The following PDXDC1 variants were observed in gnomAD, a reference collection of about 807,000 sequenced individuals.
PDXDC1 encodes pyridoxal dependent decarboxylase domain containing 1.
In PDXDC1, 42 loss-of-function variants were observed where a neutral mutation model predicts 100.1. The observed-to-expected ratio is 0.42, with a 90% CI of 0.33 to 0.54. PDXDC1 has a LOEUF of 0.54. Ranked by LOEUF, PDXDC1 falls within the 20% of genes least tolerant of loss-of-function variation. PDXDC1 has a pLI of 0.10. For missense variants in PDXDC1, 636 were observed against 979.2 expected (o/e 0.65, Z 4.68); for synonymous variants, 260 against 371.7 (o/e 0.70, Z 3.46).
chr16:15,091,203 G>T, intron 16 of PDXDC1: 3 of 1,300,868 alleles, frequency 2.3e-6, no homozygotes, highest in Non-Finnish European at 3.2e-6. Context: ...TTAAAATAAG[G>T]GAGGACCATG....
At chr16:15,133,441 T>G in intron 16 of PDXDC1, 1 of 976,696 alleles carries the variant, frequency 1.0e-6, no homozygotes, top group South Asian at 1.4e-5. Context: ...CAGAGGGGGG[T>G]GGTGAGCAGG....
chr16:15,079,764 T>G (rs2045618132), intron 16 of PDXDC1, among the ~76,000 whole-genome samples: 1 of 152,130 alleles, frequency 6.6e-6, no homozygotes, highest in Admixed American at 6.6e-5. Flanking sequence ...GGCTAATTTT[T>G]TATTTGTATT....
intron 16 of PDXDC1, chr16:15,044,556 C>T (rs3803573): frequency 0.32 from 205,610 of 641,906 alleles, 34,652 homozygotes; most frequent in Admixed American, 0.49. Context: ...AAGAAAGTAT[C>T]GGCAGCACAC....
chr16:15,038,537 C>T (rs775185103), downstream of PDXDC1: 29 of 1,136,532 alleles, frequency 2.6e-5, no homozygotes, highest in Non-Finnish European at 1.8e-5. Flanking sequence ...AACCAGGGTG[C>T]AGAGATTTAA....
chr16:15,011,236 G>A (rs1326093968), intron 8 of PDXDC1, among the ~76,000 whole-genome samples: 4 of 152,296 alleles, frequency 2.6e-5, no homozygotes, highest in African/African-American at 9.6e-5. Context: ...AGAGAATTCA[G>A]AAATAGACTC....
intron 16 of PDXDC1, among the ~76,000 whole-genome samples, chr16:15,129,340 G>A (rs1041529318): frequency 9.2e-5 from 14 of 151,574 alleles, no homozygotes; most frequent in Non-Finnish European, 1.8e-4. Context: ...CAGGAGAATC[G>A]CTTAAGGGGA....
chr16:15,126,009 G>C (rs1040351839), intron 16 of PDXDC1: 18 of 597,292 alleles, frequency 3.0e-5, no homozygotes, highest in African/African-American at 1.7e-4. Flanking sequence ...CAGCAGACTG[G>C]TGCAGCTAAG....
intron 1 of PDXDC1, among the ~76,000 whole-genome samples, chr16:14,980,482 TTTTTTTA>T (rs1222479783): frequency 2.3e-4 from 35 of 152,246 alleles, no homozygotes; most frequent in African/African-American, 8.4e-4. Flanking sequence ...TAATTTTTGT[TTTTTTTA>T]TTTTTTATTT....
intron 16 of PDXDC1, among the ~76,000 whole-genome samples, chr16:15,099,705 T>A (rs1422534040): frequency 6.6e-6 from 1 of 152,140 alleles, no homozygotes; most frequent in Non-Finnish European, 1.5e-5. Flanking sequence ...ATCTGCAAAG[T>A]CACCACCCTG....
chr16:15,081,150 G>A (rs1042985878), intron 16 of PDXDC1, among the ~76,000 whole-genome samples: 1 of 152,146 alleles, frequency 6.6e-6, no homozygotes, highest in Non-Finnish European at 1.5e-5. Context: ...TCTACTTGAG[G>A]CTATTATGGA....
rs1488014535 is a variant in PDXDC1, at chr16:14,990,099, C to T, written c.22-7654C>T. On this transcript the variant is annotated intron_variant, in intron 1 of 22. Coordinates refer to ENST00000396410, the MANE Select transcript of PDXDC1 (RefSeq NM_015027.4). ...TAGGAGGCCAAGCAGGCAGAGGAGGCGGCGGGCCCAGCTGCTCGACAGCAG... is the reference window on the plus strand; with the variant it reads ...TAGGAGGCCAAGCAGGCAGAGGAGGTGGCGGGCCCAGCTGCTCGACAGCAG... 4.7e-6 allele frequency: 7 copies of T among 1,484,414 alleles called. No individual in the cohort carries two copies. The African/African-American group carries it at 8.8e-5, about 19-fold the overall frequency. 92.0% of individuals were successfully genotyped at this position (1,484,414 alleles called of 1,614,324 possible).
At chr16:15,047,812 G>T in intron 16 of PDXDC1, 1 of 1,467,502 alleles carries the variant, frequency 6.8e-7, no homozygotes, top group Non-Finnish European at 9.6e-7. Context: ...CCCAAAGGTT[G>T]GGTCAGTTTA....
At chr16:14,975,606 A>G (rs1178262525) in intron 1 of PDXDC1, 1 of 985,466 alleles carries the variant, frequency 1.0e-6, no homozygotes, top group Non-Finnish European at 1.2e-6. Context: ...AAGAAGCCGC[A>G]GTTATTTCAG....
intron 16 of PDXDC1, among the ~76,000 whole-genome samples, chr16:15,086,726 G>A (rs1344463763): frequency 6.6e-6 from 1 of 152,160 alleles, no homozygotes; most frequent in African/African-American, 2.4e-5. Flanking sequence ...CTGAAAAAGC[G>A]AAATCACCTC....
chr16:15,038,390 T>C (rs1012206102), downstream of PDXDC1: 57 of 618,876 alleles, frequency 9.2e-5, no homozygotes, highest in African/African-American at 1.8e-4. Flanking sequence ...CACACACATT[T>C]CCATCTAGGA....
At chr16:15,128,249 A>C in intron 16 of PDXDC1, 7 of 1,611,296 alleles carry the variant, frequency 4.3e-6, no homozygotes, top group Non-Finnish European at 5.9e-6. Flanking sequence ...CGGATCTTCC[A>C]CACGCTACCC....
intron 11 of PDXDC1, among the ~76,000 whole-genome samples, chr16:15,018,491 ACAC>A (rs2041957284): frequency 6.6e-6 from 1 of 152,278 alleles, no homozygotes; most frequent in Admixed American, 6.5e-5. Context: ...TTCTGCTAAA[ACAC>A]TGCTGTCTTG....
In PDXDC1 at chr16:15,073,345, T is replaced by G. The variant is rs538191959; in HGVS notation, c.1399+43289T>G. On this transcript the variant is annotated intron_variant, in intron 16 of 16. Transcript: ENST00000535621. The stretch of plus-strand genomic sequence containing the variant: ...ATGGTGGCACGCCTGTGATCCCAGC[T>G]ACATGGGAGGCTGAGGCGGATGAAC... 2.6e-5 allele frequency among the ~76,000 whole-genome samples: 4 copies of G among 152,180 alleles called. No individual in the cohort carries two copies. The South Asian group carries it at 8.3e-4, about 32-fold the overall frequency.
At chr16:15,149,103 G>C in the PDXDC1 span, among the ~76,000 whole-genome samples, 1 of 152,164 alleles carries the variant, frequency 6.6e-6, no homozygotes, top group African/African-American at 2.4e-5. Flanking sequence ...TCGGCTGCCA[G>C]GGCTCTTCCT....
Sources: allele counts gnomAD v4.1 joint callset (sites outside exome capture counted in the v4.1 genomes callset), GRCh38; gene constraint gnomAD v4.1.1; transcripts MANE v1.5; gene names NCBI Gene and HGNC (gene_info 2026-07-23, HGNC 2026-07-21).